TSGA10: variants seen among roughly 807,000 people sequenced by gnomAD.
TSGA10 encodes testis-specific gene 10 protein.
In TSGA10, 43 loss-of-function variants were observed where a neutral mutation model predicts 96.6. The ratio of observed to expected loss-of-function variants is 0.44; its 90% CI spans 0.35 to 0.57. TSGA10 has a LOEUF of 0.57. TSGA10 is among the 20% of genes least tolerant of loss of function. TSGA10 has a pLI of 0.01. For synonymous variants in TSGA10, 229 were observed against 269.9 expected, an observed-to-expected ratio of 0.85 and a Z score of 1.48; for missense variants, 703 against 834.4, an observed-to-expected ratio of 0.84 and a Z score of 1.94.
intron 15 of TSGA10, among the ~76,000 whole-genome samples, chr2:99,066,184 G>A (rs1369438440): frequency 6.6e-6 from 1 of 152,184 alleles, no homozygotes; most frequent in Non-Finnish European, 1.5e-5. Context: ...TGGAAATTCA[G>A]CTAATATTGC....
intron 1 of TSGA10, among the ~76,000 whole-genome samples, chr2:99,145,451 T>C (rs956641130): frequency 1.3e-5 from 2 of 151,522 alleles, no homozygotes; most frequent in African/African-American, 4.9e-5. Context: ...CCCAGCTACT[T>C]GGGAGCTGAG....
intron 16 of TSGA10, among the ~76,000 whole-genome samples, chr2:99,059,142 C>CA (rs1371306040): frequency 1.4e-5 from 2 of 148,018 alleles, no homozygotes; most frequent in Non-Finnish European, 3.0e-5. Flanking sequence ...GACCTTGCAC[C>CA]ACGAGTGCAG....
intron 16 of TSGA10, among the ~76,000 whole-genome samples, chr2:99,054,735 T>A (rs563254824): frequency 6.6e-6 from 1 of 152,132 alleles, no homozygotes; most frequent in Non-Finnish European, 1.5e-5. Flanking sequence ...GGCCAACAGG[T>A]ATGTTAAAAA....
intron 2 of TSGA10, among the ~76,000 whole-genome samples, chr2:99,121,051 A>C (rs571480858): frequency 6.6e-6 from 1 of 152,320 alleles, no homozygotes; most frequent in East Asian, 1.9e-4. Context: ...GGAATACCAC[A>C]GTTTAACCAT....
chr2:99,133,647 T>C (rs748117846), intron 1 of TSGA10, among the ~76,000 whole-genome samples: 12 of 152,258 alleles, frequency 7.9e-5, no homozygotes, highest in Non-Finnish European at 1.5e-4. Context: ...GCTGGTTATT[T>C]TGCCCATTAG....
At chr2:99,000,156 G>A (rs909888995) in intron 20 of TSGA10, among the ~76,000 whole-genome samples, 7 of 152,192 alleles carry the variant, frequency 4.6e-5, no homozygotes, top group African/African-American at 7.2e-5. Flanking sequence ...TGGATTACCT[G>A]AGGTCAGGAG....
chr2:99,118,899 A>G (rs2092425941), intron 2 of TSGA10: 1 of 152,734 alleles, frequency 6.5e-6, no homozygotes, highest in African/African-American at 2.4e-5. Flanking sequence ...CTTGTCTCTC[A>G]TTGTGTATTT....
At chr2:99,006,745 C>T (rs2078516779) in intron 20 of TSGA10, among the ~76,000 whole-genome samples, 1 of 152,196 alleles carries the variant, frequency 6.6e-6, no homozygotes, top group Admixed American at 6.5e-5. Context: ...GGCGATTCCT[C>T]AGGGATCTAG....
intron 16 of TSGA10, among the ~76,000 whole-genome samples, chr2:99,057,061 G>T (rs527422029): frequency 6.6e-6 from 1 of 150,670 alleles, no homozygotes; most frequent in African/African-American, 2.5e-5. Context: ...AACAATAAAA[G>T]GGAATTTCTT....
intron 11 of TSGA10, among the ~76,000 whole-genome samples, chr2:99,080,738 C>A (rs1343352410): frequency 6.6e-6 from 1 of 152,034 alleles, no homozygotes; most frequent in African/African-American, 2.4e-5. Context: ...TCTTCTATAG[C>A]CCTGACCAAA....
In TSGA10 at chr2:99,072,711, C is replaced by T. The variant is rs549990852; in HGVS notation, c.938+307G>A. On this transcript the variant is annotated intron_variant, in intron 13 of 20. Transcript: ENST00000393483. Reference sequence around the variant, plus strand: ...CCTCTGCCTGCCTATTTAGTCTCCTCCCTTCACTTCTCCCCTTACACTCTA... The same window carrying T: ...CCTCTGCCTGCCTATTTAGTCTCCTTCCTTCACTTCTCCCCTTACACTCTA... Among the ~76,000 whole-genome samples the T allele has an allele frequency of 2.7e-3, 415 of 152,308 alleles. 3 individuals are homozygous for T. Among genetic ancestry groups the T allele is most frequent in the African/African-American group, 9.5e-3 (397 of 41,576 alleles).
chr2:99,120,929 C>G (rs569731138), intron 2 of TSGA10, among the ~76,000 whole-genome samples: 2 of 152,148 alleles, frequency 1.3e-5, no homozygotes, highest in East Asian at 1.9e-4. Flanking sequence ...AGCATGTGAT[C>G]TTTTGAGATT....
At chr2:99,150,825 T>A in intron 1 of TSGA10, 1 of 1,583,392 alleles carries the variant, frequency 6.3e-7, no homozygotes, top group Non-Finnish European at 8.6e-7. Flanking sequence ...AAATGACAGA[T>A]GTGGAATGAA....
intron 9 of TSGA10, 113 bp from the exon 10 acceptor site, chr2:99,104,231 G>T: frequency 8.0e-7 from 1 of 1,253,632 alleles, no homozygotes; most frequent in Non-Finnish European, 1.1e-6. Context: ...GACAGGATGA[G>T]ATTATCAGGT....
intron 17 of TSGA10, among the ~76,000 whole-genome samples, chr2:99,021,928 C>T (rs1485448714): frequency 6.6e-6 from 1 of 152,054 alleles, no homozygotes; most frequent in Admixed American, 6.6e-5. Flanking sequence ...TTGACAATAG[C>T]TTTTTTGAAA....
At chr2:99,009,988 G>C (rs1462396830) in intron 20 of TSGA10, among the ~76,000 whole-genome samples, 3 of 152,076 alleles carry the variant, frequency 2.0e-5, no homozygotes, top group Non-Finnish European at 4.4e-5. Flanking sequence ...TCTTATTTTT[G>C]TAACTTTTTG....
chr2:99,128,209 T>C (rs2092922922), intron 1 of TSGA10, among the ~76,000 whole-genome samples: 1 of 152,188 alleles, frequency 6.6e-6, no homozygotes, highest in South Asian at 2.1e-4. Flanking sequence ...ACCCAGCACT[T>C]AGACAGGCCG....
intron 16 of TSGA10, among the ~76,000 whole-genome samples, chr2:99,041,098 G>T (rs1362852303): frequency 6.6e-6 from 1 of 152,190 alleles, no homozygotes; most frequent in African/African-American, 2.4e-5. Context: ...TACCTATTTA[G>T]GAAAGTTTTA....
At chr2:99,140,698 C>CT (rs1441433630) in intron 1 of TSGA10, among the ~76,000 whole-genome samples, 2 of 152,174 alleles carry the variant, frequency 1.3e-5, no homozygotes, top group African/African-American at 4.8e-5. Context: ...GAAAGAGGCT[C>CT]AGAAATGAGC....
Sources: gnomAD v4.1 joint callset for allele counts (sites outside exome capture counted in the v4.1 genomes callset) on GRCh38, gnomAD v4.1.1 for gene constraint, MANE v1.5 for transcripts, NCBI Gene and HGNC (gene_info 2026-07-23, HGNC 2026-07-21) for gene names.